KCNQ5: variants seen among roughly 807,000 people sequenced by gnomAD.
KCNQ5 encodes potassium voltage-gated channel subfamily Q member 5, also known as potassium voltage-gated channel subfamily KQT member 5.
In KCNQ5, 30 loss-of-function variants were observed where a neutral mutation model predicts 98.2. That is an observed-to-expected ratio of 0.31 (90% CI 0.23 to 0.41). KCNQ5 has a LOEUF of 0.41. Among genes scored for constraint, KCNQ5 ranks in the 10% least tolerant of loss-of-function variants. The pLI, the probability that KCNQ5 is intolerant of heterozygous loss-of-function variation, is 1.00. For synonymous variants in KCNQ5, 458 were observed against 449.4 expected, an observed-to-expected ratio of 1.02 and a Z score of -0.24; for missense variants, 835 against 1,182.5, an observed-to-expected ratio of 0.71 and a Z score of 4.31.
At chr6:72,851,326 C>G (rs2150142494) in intron 1 of KCNQ5, among the ~76,000 whole-genome samples, 1 of 152,222 alleles carries the variant, frequency 6.6e-6, no homozygotes, top group South Asian at 2.1e-4. Context: ...AATTTTGTGT[C>G]TCTTGTAATG....
At position 72,871,641 on chromosome 6, in the gene KCNQ5, TA is replaced by T. The variant is rs1778211097; in HGVS notation, c.399-132266del. 2.0e-5 allele frequency among the ~76,000 whole-genome samples: 3 copies of T among 152,312 alleles called. No homozygotes were observed. In the South Asian group the frequency reaches 6.2e-4, roughly 32 times the overall value. ...TGTCATATTAATCCAAAAAGAACAATATTTAACCTAAATGTAAACTAAAAGC... is the reference window on the plus strand; with the variant it reads ...TGTCATATTAATCCAAAAAGAACAATTTTAACCTAAATGTAAACTAAAAGC... On this transcript the variant is annotated intron_variant, in intron 1 of 13. Coordinates refer to ENST00000370398, the MANE Select transcript of KCNQ5 (RefSeq NM_019842.4).
chr6:72,896,630 G>A (rs181107860), intron 1 of KCNQ5, among the ~76,000 whole-genome samples: 139 of 152,164 alleles, frequency 9.1e-4, no homozygotes, highest in Middle Eastern at 3.4e-3. Flanking sequence ...CTTTTTGCTT[G>A]TCCCAGTATA....
intron 1 of KCNQ5, among the ~76,000 whole-genome samples, chr6:72,975,229 ATCAACT>A (rs1768104052): frequency 6.6e-6 from 1 of 151,842 alleles, no homozygotes. Context: ...ACATAAAATC[ATCAACT>A]TCAATTTTTT....
At chr6:72,672,179 G>C (rs111470717) in intron 1 of KCNQ5, among the ~76,000 whole-genome samples, 9,540 of 149,192 alleles carry the variant, frequency 0.064, 1,029 homozygotes, top group African/African-American at 0.22. Context: ...GCAGTGACAT[G>C]ATCTCAGCTC....
intron 1 of KCNQ5, among the ~76,000 whole-genome samples, chr6:72,917,903 T>C (rs1351737195): frequency 6.6e-6 from 1 of 152,168 alleles, no homozygotes; most frequent in Non-Finnish European, 1.5e-5. Flanking sequence ...ATCAGCACTA[T>C]TGACATTTGG....
At chr6:73,067,352 A>G (rs1474912492) in intron 3 of KCNQ5, among the ~76,000 whole-genome samples, 1 of 152,240 alleles carries the variant, frequency 6.6e-6, no homozygotes, top group Non-Finnish European at 1.5e-5. Context: ...AGGGAAAGGT[A>G]TATCTATAAA....
chr6:73,129,586 C>T (rs1776136462), intron 9 of KCNQ5, among the ~76,000 whole-genome samples: 1 of 152,168 alleles, frequency 6.6e-6, no homozygotes, highest in Non-Finnish European at 1.5e-5. Flanking sequence ...TAGTTCAAAT[C>T]CAATTTTTCA....
At chr6:73,159,866 G>A (rs779733578) in intron 10 of KCNQ5, among the ~76,000 whole-genome samples, 8 of 152,118 alleles carry the variant, frequency 5.3e-5, no homozygotes, top group Non-Finnish European at 1.2e-4. Flanking sequence ...GTTATTGTGG[G>A]TAGCACCATG....
intron 1 of KCNQ5, among the ~76,000 whole-genome samples, chr6:72,890,545 C>T (rs1048077742): frequency 2.6e-5 from 4 of 152,116 alleles, no homozygotes; most frequent in Non-Finnish European, 5.9e-5. Flanking sequence ...GCAGTGGCTG[C>T]TGCTATGGGA....
At chr6:72,778,550 A>AC (rs1033953663) in intron 1 of KCNQ5, among the ~76,000 whole-genome samples, 4 of 151,706 alleles carry the variant, frequency 2.6e-5, no homozygotes, top group Admixed American at 2.6e-4. Flanking sequence ...GAAAAAAAAA[A>AC]AAGAATATAC....
At chr6:72,628,181 C>G (rs1477370132) in intron 1 of KCNQ5, among the ~76,000 whole-genome samples, 1 of 152,166 alleles carries the variant, frequency 6.6e-6, no homozygotes, top group Non-Finnish European at 1.5e-5. Flanking sequence ...AAGCCTTCCA[C>G]AGAGGAGCTT....
intron 5 of KCNQ5, among the ~76,000 whole-genome samples, chr6:73,085,359 A>G (rs1197115074): frequency 6.6e-6 from 1 of 152,154 alleles, no homozygotes; most frequent in Non-Finnish European, 1.5e-5. Context: ...GGAAACCCAC[A>G]CCAACTCCCT....
intron 11 of KCNQ5, among the ~76,000 whole-genome samples, chr6:73,186,425 AT>A (rs1023156465): frequency 6.6e-6 from 1 of 152,210 alleles, no homozygotes. Context: ...AATAAGTAAG[AT>A]TTTTTTTAGC....
intron 1 of KCNQ5, among the ~76,000 whole-genome samples, chr6:72,869,296 T>C (rs1486783522): frequency 2.6e-5 from 4 of 152,124 alleles, no homozygotes; most frequent in Non-Finnish European, 5.9e-5. Context: ...ATTCCTTCTA[T>C]CCCGGACATG....
intron 1 of KCNQ5, among the ~76,000 whole-genome samples, chr6:72,717,162 T>C (rs1405705774): frequency 1.3e-5 from 2 of 152,220 alleles, no homozygotes; most frequent in Non-Finnish European, 2.9e-5. Context: ...GCCAGTTATT[T>C]AGTTTGAGCA....
At chr6:72,862,768 C>T (rs1777822201) in intron 1 of KCNQ5, among the ~76,000 whole-genome samples, 1 of 152,062 alleles carries the variant, frequency 6.6e-6, no homozygotes, top group Non-Finnish European at 1.5e-5. Context: ...ACTGGGACTA[C>T]AGGCACTCAG....
At chr6:72,847,748 A>T (rs9446767) in intron 1 of KCNQ5, among the ~76,000 whole-genome samples, 1 of 152,158 alleles carries the variant, frequency 6.6e-6, no homozygotes, top group Non-Finnish European at 1.5e-5. Context: ...TTGTATTTGC[A>T]TTAGACAATG....
intron 1 of KCNQ5, among the ~76,000 whole-genome samples, chr6:72,886,628 A>G (rs1198395989): frequency 6.6e-6 from 1 of 152,196 alleles, no homozygotes; most frequent in Non-Finnish European, 1.5e-5. Context: ...ATCCATACAC[A>G]CTATAGACAA....
intron 1 of KCNQ5, among the ~76,000 whole-genome samples, chr6:72,719,497 T>C (rs1436199736): frequency 6.6e-6 from 1 of 152,214 alleles, no homozygotes; most frequent in Non-Finnish European, 1.5e-5. Context: ...TGAGATGATA[T>C]AGATATTTGG....
Sources: gnomAD v4.1 joint callset for allele counts (sites outside exome capture counted in the v4.1 genomes callset) on GRCh38, gnomAD v4.1.1 for gene constraint, MANE v1.5 for transcripts, NCBI Gene and HGNC (gene_info 2026-07-23, HGNC 2026-07-21) for gene names.